KCNK9: variants seen among roughly 807,000 people sequenced by gnomAD.
KCNK9 encodes the protein potassium channel subfamily K member 9.
KCNK9 carries 1 observed loss-of-function variant against 10.8 expected under a neutral mutation model. The ratio of observed to expected loss-of-function variants is 0.09; its 90% CI spans 0.03 to 0.44. The LOEUF (loss-of-function observed/expected upper bound fraction) is 0.44, where lower values mean the gene tolerates loss of function less well. Among genes scored for constraint, KCNK9 ranks in the 20% least tolerant of loss-of-function variants. KCNK9 has a pLI of 0.97. For missense variants in KCNK9, 303 were observed against 515.0 expected (o/e 0.59, Z 3.98); for synonymous variants, 231 against 222.7 (o/e 1.04, Z -0.33).
At chr8:139,644,280 G>A (rs1815602466) in intron 1 of KCNK9, among the ~76,000 whole-genome samples, 2 of 152,214 alleles carry the variant, frequency 1.3e-5, no homozygotes, top group South Asian at 4.1e-4. Flanking sequence ...TCCTGTCTCG[G>A]CAGCCATGGA....
intron 1 of KCNK9, among the ~76,000 whole-genome samples, chr8:139,619,685 G>A (rs1014666784): frequency 6.6e-6 from 1 of 152,188 alleles, no homozygotes; most frequent in African/African-American, 2.4e-5. Context: ...AGAAAACTGA[G>A]TTAGCAGGGT....
intron 1 of KCNK9, among the ~76,000 whole-genome samples, chr8:139,621,441 G>A (rs1456961605): frequency 1.3e-5 from 2 of 152,132 alleles, no homozygotes; most frequent in African/African-American, 2.4e-5. Context: ...AGTAGCCAGA[G>A]AGAAATAATA....
intron 1 of KCNK9, among the ~76,000 whole-genome samples, chr8:139,651,473 T>C (rs1405547007): frequency 6.6e-6 from 1 of 152,142 alleles, no homozygotes; most frequent in African/African-American, 2.4e-5. Context: ...TTGCTGTGAA[T>C]AGAGTGGTGA....
intron 1 of KCNK9, among the ~76,000 whole-genome samples, chr8:139,635,264 T>A (rs1815304226): frequency 6.6e-6 from 1 of 152,236 alleles, no homozygotes; most frequent in Non-Finnish European, 1.5e-5. Flanking sequence ...GTTCAGGTAC[T>A]ATCCCGTATC....
intron 1 of KCNK9, among the ~76,000 whole-genome samples, chr8:139,644,015 C>T (rs1049660352): frequency 2.6e-5 from 4 of 152,242 alleles, no homozygotes; most frequent in African/African-American, 7.2e-5. Flanking sequence ...TGCCACGATA[C>T]CCACAGTCAG....
chr8:139,621,804 T>G (rs1464093065), intron 1 of KCNK9, among the ~76,000 whole-genome samples: 1 of 152,162 alleles, frequency 6.6e-6, no homozygotes, highest in Non-Finnish European at 1.5e-5. Context: ...TATCTCCATA[T>G]AGCTCACCTG....
intron 2 of KCNK9, among the ~76,000 whole-genome samples, chr8:139,603,217 T>C (rs746258921): frequency 9.9e-5 from 15 of 152,198 alleles, no homozygotes; most frequent in Non-Finnish European, 1.9e-4. Flanking sequence ...CCCTGGAATA[T>C]GCTCCAAAGT....
At chr8:139,625,260 G>C (rs767701418) in intron 1 of KCNK9, among the ~76,000 whole-genome samples, 3 of 152,212 alleles carry the variant, frequency 2.0e-5, no homozygotes, top group African/African-American at 7.2e-5. Flanking sequence ...CTTCTTAGCC[G>C]GTTACTAGGT....
At chr8:139,655,602 C>A (rs922457014) in intron 1 of KCNK9, among the ~76,000 whole-genome samples, 3 of 152,166 alleles carry the variant, frequency 2.0e-5, no homozygotes, top group Non-Finnish European at 4.4e-5. Context: ...CCCACAGCCA[C>A]CCTGTGAGAA....
chr8:139,605,631 T>TA (rs757369873), intron 2 of KCNK9, among the ~76,000 whole-genome samples: 4 of 152,178 alleles, frequency 2.6e-5, no homozygotes, highest in Admixed American at 1.3e-4. Flanking sequence ...GATACATTTG[T>TA]AAACGTGCCA....
intron 1 of KCNK9, among the ~76,000 whole-genome samples, chr8:139,692,378 G>A (rs1816951228): frequency 6.6e-6 from 1 of 152,212 alleles, no homozygotes; most frequent in Admixed American, 6.5e-5. Context: ...GCCATTCTTG[G>A]ATGTGATCAT....
intron 1 of KCNK9, among the ~76,000 whole-genome samples, chr8:139,695,065 C>T (rs1228161475): frequency 6.6e-6 from 1 of 152,324 alleles, no homozygotes; most frequent in Middle Eastern, 3.4e-3. Flanking sequence ...TTCCATCAAC[C>T]ACCCCTTCCT....
intron 1 of KCNK9, among the ~76,000 whole-genome samples, chr8:139,626,438 G>A (rs1232791114): frequency 1.3e-5 from 2 of 152,206 alleles, no homozygotes; most frequent in African/African-American, 4.8e-5. Context: ...ATCAAGCTGA[G>A]CTTTGAATTC....
At chr8:139,674,981 A>G (rs1816517840) in intron 1 of KCNK9, among the ~76,000 whole-genome samples, 1 of 151,846 alleles carries the variant, frequency 6.6e-6, no homozygotes, top group Non-Finnish European at 1.5e-5. Flanking sequence ...CACAGTTCCG[A>G]GTGTCTGCTG....
At chr8:139,622,181 TGA>T (rs1235739479) in intron 1 of KCNK9, among the ~76,000 whole-genome samples, 1 of 152,188 alleles carries the variant, frequency 6.6e-6, no homozygotes, top group Non-Finnish European at 1.5e-5. Flanking sequence ...GACACGTGCA[TGA>T]GAGAGTATGG....
chr8:139,660,890 C>A (rs1239467360), intron 1 of KCNK9, among the ~76,000 whole-genome samples: 1 of 152,178 alleles, frequency 6.6e-6, no homozygotes, highest in African/African-American at 2.4e-5. Context: ...GACCCAGTTG[C>A]TTCCACTTTG....
At chr8:139,692,187 G>C (rs1012349063) in intron 1 of KCNK9, among the ~76,000 whole-genome samples, 6 of 152,242 alleles carry the variant, frequency 3.9e-5, no homozygotes, top group African/African-American at 1.2e-4. Context: ...CTGTCAGCCC[G>C]TCTGCCTGCC....
intron 1 of KCNK9, among the ~76,000 whole-genome samples, chr8:139,671,189 G>C (rs942958485): frequency 8.5e-5 from 13 of 152,256 alleles, no homozygotes; most frequent in African/African-American, 3.1e-4. Context: ...TGCAGAGGAG[G>C]CCTGGGCTTC....
At chr8:139,690,191 G>C (rs73725172) in intron 1 of KCNK9, among the ~76,000 whole-genome samples, 1 of 152,140 alleles carries the variant, frequency 6.6e-6, no homozygotes, top group African/African-American at 2.4e-5. Context: ...CAGACTTCCC[G>C]GGCATAACTC....
Sources: allele counts gnomAD v4.1 joint callset (sites outside exome capture counted in the v4.1 genomes callset), GRCh38; gene constraint gnomAD v4.1.1; transcripts MANE v1.5; gene names NCBI Gene and HGNC (gene_info 2026-07-23, HGNC 2026-07-21).